AGBL1: variants seen among roughly 807,000 people sequenced by gnomAD.
AGBL1 encodes cytosolic carboxypeptidase 4.
Under a neutral mutation model 118.9 loss-of-function variants are expected in AGBL1, and 130 were observed. The observed-to-expected ratio is 1.09, with a 90% CI of 0.95 to 1.26. AGBL1 has a LOEUF of 1.26. AGBL1 is among the 50% of genes most tolerant of loss of function. The pLI is 0.00. For missense variants in AGBL1, 1,584 were observed against 1,298.1 expected (o/e 1.22, Z -3.38); for synonymous variants, 555 against 478.9 (o/e 1.16, Z -2.08).
rs192195496 is a variant in AGBL1, at chr15:86,872,734, C to T, written c.3159-34353C>T. 4.0e-4 allele frequency among the ~76,000 whole-genome samples: 61 copies of T among 152,160 alleles called. No individual in the cohort carries two copies. The South Asian group carries it at 8.1e-3, about 20-fold the overall frequency. On this transcript the variant is annotated intron_variant, in intron 22 of 22. Coordinates refer to ENST00000614907, the MANE Select transcript of AGBL1 (RefSeq NM_001386094.1). ...TAGAGCCACTGCACTCCAGCCTGGG[C>T]GACAGAGTGAGACTCCGTCTATAAA...
chr15:86,767,469 G>C (rs1299143548), intron 22 of AGBL1, among the ~76,000 whole-genome samples: 1 of 151,942 alleles, frequency 6.6e-6, no homozygotes, highest in African/African-American at 2.4e-5. Context: ...AATAATAAAT[G>C]CTGAGGAGGC....
chr15:86,095,647 CTTTTTTTTTTT>C (rs397854465), intron 1 of AGBL1, among the ~76,000 whole-genome samples: 1 of 15,482 alleles, frequency 6.5e-5, no homozygotes, highest in Non-Finnish European at 2.1e-4. Context: ...CCTTGGATAC[CTTTTTTTTTTT>C]TTTTTTTTTT....
chr15:86,873,780 A>T (rs1404273755), intron 22 of AGBL1, among the ~76,000 whole-genome samples: 1 of 152,150 alleles, frequency 6.6e-6, no homozygotes, highest in Non-Finnish European at 1.5e-5. Context: ...GTATTTTGCT[A>T]TTGCTATCTG....
chr15:86,944,377 A>AAATAATAAT lies in AGBL1; in HGVS notation c.3222-43597_3222-43589dup, dbSNP rs368084988. The stretch of plus-strand genomic sequence containing the variant: ...CTGGGCAAAAAGTGAAACTCCGTCT[A>AAATAATAAT]AATAATAATAATAATAATAATGAGG... On this transcript the variant is annotated intron_variant, in intron 23 of 24. Transcript: ENST00000441037. Among the ~76,000 whole-genome samples, 26 of 151,524 alleles carry AAATAATAAT rather than the reference A, an allele frequency of 1.7e-4. No individual in the cohort carries two copies. The South Asian group carries it at 2.5e-3, about 15-fold the overall frequency.
chr15:86,434,402 T>G (rs1195922508), intron 18 of AGBL1, among the ~76,000 whole-genome samples: 1 of 152,234 alleles, frequency 6.6e-6, no homozygotes, highest in African/African-American at 2.4e-5. Flanking sequence ...GAAGAGATGC[T>G]GAGAGGAAAA....
At chr15:86,403,095 G>T (rs1567238711) in intron 18 of AGBL1, among the ~76,000 whole-genome samples, 1 of 152,152 alleles carries the variant, frequency 6.6e-6, no homozygotes. Context: ...AGAGTGGGAA[G>T]TGGGGAGAAG....
chr15:87,002,906 C>T (rs1210591029), intron 24 of AGBL1, among the ~76,000 whole-genome samples: 1 of 152,128 alleles, frequency 6.6e-6, no homozygotes, highest in Non-Finnish European at 1.5e-5. Flanking sequence ...TCTAGATATA[C>T]AATCATGTCA....
intron 18 of AGBL1, among the ~76,000 whole-genome samples, chr15:86,514,135 A>AACACACACAC (rs3084321): frequency 6.7e-5 from 10 of 149,184 alleles, no homozygotes; most frequent in East Asian, 3.9e-4. Context: ...TACACACACA[A>AACACACACAC]ACACACACAC....
chr15:87,013,124 A>G (rs1426101972), intron 24 of AGBL1, among the ~76,000 whole-genome samples: 3 of 152,192 alleles, frequency 2.0e-5, no homozygotes, highest in African/African-American at 7.2e-5. Context: ...GCTTCACTCC[A>G]TGATATGTCT....
chr15:86,410,592 A>G (rs2081593177), intron 18 of AGBL1, among the ~76,000 whole-genome samples: 5 of 151,414 alleles, frequency 3.3e-5, no homozygotes. Context: ...CAAAACTATT[A>G]AGTACTGAAC....
At chr15:86,239,354 A>G (rs2078605608) in intron 6 of AGBL1, among the ~76,000 whole-genome samples, 1 of 152,256 alleles carries the variant, frequency 6.6e-6, no homozygotes, top group African/African-American at 2.4e-5. Flanking sequence ...CAAAACCATC[A>G]TTCTTATTTG....
chr15:86,996,330 C>A (rs1337157395), intron 24 of AGBL1, among the ~76,000 whole-genome samples: 2 of 152,168 alleles, frequency 1.3e-5, no homozygotes, highest in East Asian at 3.9e-4. Context: ...ATACTAAGCC[C>A]CCCTCCCAAG....
chr15:86,743,584 C>A (rs528211673), intron 22 of AGBL1, among the ~76,000 whole-genome samples: 2 of 152,186 alleles, frequency 1.3e-5, no homozygotes, highest in Non-Finnish European at 2.9e-5. Context: ...ACCCAATGGA[C>A]CTCCATTAGA....
At chr15:86,339,978 A>AG (rs1484523593) in intron 17 of AGBL1, among the ~76,000 whole-genome samples, 1 of 151,806 alleles carries the variant, frequency 6.6e-6, no homozygotes, top group Non-Finnish European at 1.5e-5. Flanking sequence ...AAAAAAAAAA[A>AG]GTTTTTATTT....
intron 17 of AGBL1, among the ~76,000 whole-genome samples, chr15:86,347,940 T>C (rs1263662236): frequency 3.3e-5 from 5 of 152,260 alleles, no homozygotes; most frequent in African/African-American, 1.2e-4. Context: ...TTACATTTCT[T>C]CTTCTTTTTT....
intron 21 of AGBL1, among the ~76,000 whole-genome samples, chr15:86,596,068 G>A (rs998740246): frequency 2.6e-5 from 4 of 152,096 alleles, no homozygotes; most frequent in Non-Finnish European, 4.4e-5. Context: ...GGAAGCTGAT[G>A]CAGGAGAATT....
At chr15:86,885,060 A>G (rs2079950962) in intron 22 of AGBL1, among the ~76,000 whole-genome samples, 1 of 152,160 alleles carries the variant, frequency 6.6e-6, no homozygotes, top group Admixed American at 6.5e-5. Flanking sequence ...ACATTTAAAA[A>G]GCTTTTGAAA....
intron 18 of AGBL1, among the ~76,000 whole-genome samples, chr15:86,405,591 C>T (rs565301608): frequency 1.2e-4 from 18 of 152,102 alleles, no homozygotes; most frequent in East Asian, 3.9e-4. Context: ...GGCTCTCATA[C>T]GTAACGAAAT....
At chr15:86,204,971 A>G (rs2077968141) in intron 5 of AGBL1, among the ~76,000 whole-genome samples, 1 of 152,186 alleles carries the variant, frequency 6.6e-6, no homozygotes, top group Admixed American at 6.6e-5. Flanking sequence ...GGTGTTGTAC[A>G]TTCTCTGGGT....
Sources: allele counts gnomAD v4.1 joint callset (sites outside exome capture counted in the v4.1 genomes callset), GRCh38; gene constraint gnomAD v4.1.1; transcripts MANE v1.5; gene names NCBI Gene and HGNC (gene_info 2026-07-23, HGNC 2026-07-21).